The following RSRC1 variants were observed in gnomAD, a reference collection of about 807,000 sequenced individuals.
The protein encoded by RSRC1 is arginine and serine rich coiled-coil 1, also known as serine/Arginine-related protein 53.
A neutral mutation model predicts 49.1 loss-of-function variants in RSRC1; 39 were observed. The ratio of observed to expected loss-of-function variants is 0.79; its 90% CI spans 0.61 to 1.04. RSRC1 has a LOEUF of 1.04. Among genes scored for constraint, RSRC1 ranks in the 50% least tolerant of loss-of-function variants. The pLI, the probability that RSRC1 is intolerant of heterozygous loss-of-function variation, is 0.00. For synonymous variants in RSRC1, 143 were observed against 130.8 expected, an observed-to-expected ratio of 1.09 and a Z score of -0.63; for missense variants, 388 against 402.4, an observed-to-expected ratio of 0.96 and a Z score of 0.31.
chr3:158,355,166 TG>T (rs1233708233), intron 6 of RSRC1, among the ~76,000 whole-genome samples: 3 of 151,992 alleles, frequency 2.0e-5, no homozygotes, highest in African/African-American at 7.2e-5. Flanking sequence ...TTTATTTTGA[TG>T]AAGCCCAATT....
chr3:158,176,540 A>AGAAAT (rs1719231243), intron 3 of RSRC1, among the ~76,000 whole-genome samples: 6 of 150,198 alleles, frequency 4.0e-5, no homozygotes, highest in East Asian at 3.9e-4. Flanking sequence ...GACAAATACA[A>AGAAAT]GGGGAAAGGA....
intron 7 of RSRC1, among the ~76,000 whole-genome samples, chr3:158,531,798 A>T (rs1712415830): frequency 6.6e-6 from 1 of 151,942 alleles, no homozygotes; most frequent in Non-Finnish European, 1.5e-5. Flanking sequence ...TTTGAAAGGG[A>T]AAACAATTGG....
intron 6 of RSRC1, among the ~76,000 whole-genome samples, chr3:158,450,441 T>C (rs1203226928): frequency 6.6e-6 from 1 of 151,688 alleles, no homozygotes; most frequent in Non-Finnish European, 1.5e-5. Context: ...TGGACGCATA[T>C]GGTGTTTGAG....
chr3:158,163,900 T>C (rs1718386007), intron 3 of RSRC1, among the ~76,000 whole-genome samples: 1 of 152,038 alleles, frequency 6.6e-6, no homozygotes, highest in African/African-American at 2.4e-5. Flanking sequence ...GAAGAATAAA[T>C]GAATGAATGA....
chr3:158,136,442 C>T (rs911764182), intron 3 of RSRC1, among the ~76,000 whole-genome samples: 1 of 152,162 alleles, frequency 6.6e-6, no homozygotes, highest in Non-Finnish European at 1.5e-5. Flanking sequence ...CCCTACAGAG[C>T]TCTAGTTTGC....
At chr3:158,515,084 G>A (rs1465544021) in intron 7 of RSRC1, among the ~76,000 whole-genome samples, 1 of 146,790 alleles carries the variant, frequency 6.8e-6, no homozygotes, top group African/African-American at 2.5e-5. Flanking sequence ...TTGCCAGTCT[G>A]TGTCTTTTAA....
At chr3:158,483,178 T>C (rs1346950268) in intron 7 of RSRC1, among the ~76,000 whole-genome samples, 1 of 152,054 alleles carries the variant, frequency 6.6e-6, no homozygotes, top group African/African-American at 2.4e-5. Flanking sequence ...AATGTTTGAC[T>C]GTGATTACAT....
chr3:158,521,116 T>C (rs1711649441), intron 7 of RSRC1, among the ~76,000 whole-genome samples: 1 of 152,186 alleles, frequency 6.6e-6, no homozygotes, highest in Admixed American at 6.5e-5. Context: ...AGATCACATA[T>C]TTTTAGAAGA....
At chr3:158,271,259 G>A (rs770602155) in intron 4 of RSRC1, among the ~76,000 whole-genome samples, 10 of 152,104 alleles carry the variant, frequency 6.6e-5, no homozygotes, top group Non-Finnish European at 1.2e-4. Context: ...CTTGGCTGGA[G>A]ATTATGATTT....
At chr3:158,534,319 A>G (rs185930413) in intron 7 of RSRC1, among the ~76,000 whole-genome samples, 1 of 151,846 alleles carries the variant, frequency 6.6e-6, no homozygotes, top group African/African-American at 2.4e-5. Flanking sequence ...AATACTCTTT[A>G]TATTTATCTC....
At chr3:158,510,921 A>G (rs1291511666) in intron 7 of RSRC1, among the ~76,000 whole-genome samples, 2 of 152,284 alleles carry the variant, frequency 1.3e-5, no homozygotes, top group East Asian at 3.9e-4. Context: ...ACCAACTACA[A>G]TGGTGAGAGT....
chr3:158,352,474 A>T (rs747103943), intron 5 of RSRC1, among the ~76,000 whole-genome samples: 14 of 152,064 alleles, frequency 9.2e-5, no homozygotes, highest in Non-Finnish European at 1.8e-4. Context: ...AATATTTCTT[A>T]ATTGTTAAAA....
chr3:158,290,497 G>A (rs753115874), intron 4 of RSRC1, among the ~76,000 whole-genome samples: 23 of 152,110 alleles, frequency 1.5e-4, no homozygotes, highest in African/African-American at 4.6e-4. Flanking sequence ...GGATGGTCTC[G>A]ATTTCCTGAC....
At chr3:158,359,554 C>T (rs988125350) in intron 6 of RSRC1, among the ~76,000 whole-genome samples, 3 of 152,078 alleles carry the variant, frequency 2.0e-5, no homozygotes, top group African/African-American at 4.8e-5. Context: ...GCAGCTGGTC[C>T]GGGCACACTA....
chr3:158,300,075 C>G (rs906530710), intron 5 of RSRC1, among the ~76,000 whole-genome samples: 2 of 152,092 alleles, frequency 1.3e-5, no homozygotes, highest in Non-Finnish European at 2.9e-5. Flanking sequence ...CTATTTTTGA[C>G]ACTAAGTTAT....
At chr3:158,530,567 TGG>T (rs1712325237) in intron 7 of RSRC1, among the ~76,000 whole-genome samples, 1 of 151,840 alleles carries the variant, frequency 6.6e-6, no homozygotes, top group African/African-American at 2.4e-5. Context: ...GAACAATGCC[TGG>T]TACATTGAAT....
At chr3:158,508,948 G>A (rs1740011846) in intron 7 of RSRC1, among the ~76,000 whole-genome samples, 1 of 152,044 alleles carries the variant, frequency 6.6e-6, no homozygotes, top group Non-Finnish European at 1.5e-5. Context: ...CCTGTTGGTT[G>A]TCTTTTTTAC....
chr3:158,194,222 T>TA (rs1720411725), intron 3 of RSRC1, among the ~76,000 whole-genome samples: 1 of 151,526 alleles, frequency 6.6e-6, no homozygotes. Flanking sequence ...TGCAGTAAGA[T>TA]ACGATCATCC....
chr3:158,133,418 A>G (rs2108183535), intron 3 of RSRC1, among the ~76,000 whole-genome samples: 1 of 152,334 alleles, frequency 6.6e-6, no homozygotes, highest in Admixed American at 6.5e-5. Flanking sequence ...TAAATTTAAA[A>G]CTGTCCTACA....
Sources: allele counts gnomAD v4.1 joint callset (sites outside exome capture counted in the v4.1 genomes callset), GRCh38; gene constraint gnomAD v4.1.1; transcripts MANE v1.5; gene names NCBI Gene and HGNC (gene_info 2026-07-23, HGNC 2026-07-21).